Variants in DPP10 observed in about 807,000 individuals in gnomAD.
DPP10 encodes inactive dipeptidyl peptidase 10.
Under a neutral mutation model 120.9 loss-of-function variants are expected in DPP10, and 33 were observed. That is an observed-to-expected ratio of 0.27 (90% CI 0.21 to 0.37). DPP10 has a LOEUF of 0.37. Among genes scored for constraint, DPP10 ranks in the 10% least tolerant of loss-of-function variants. The pLI, the probability that DPP10 is intolerant of heterozygous loss-of-function variation, is 1.00. For missense variants in DPP10, 816 were observed against 942.8 expected, an observed-to-expected ratio of 0.87 and a Z score of 1.76; for synonymous variants, 337 against 326.1, an observed-to-expected ratio of 1.03 and a Z score of -0.36.
At chr2:114,541,710 T>C (rs1686968382) in intron 1 of DPP10, among the ~76,000 whole-genome samples, 1 of 152,148 alleles carries the variant, frequency 6.6e-6, no homozygotes, top group Non-Finnish European at 1.5e-5. Context: ...TGACAGAAAG[T>C]TTAAATTTTT....
At chr2:114,450,983 C>A (rs912493085) in intron 1 of DPP10, among the ~76,000 whole-genome samples, 1 of 152,092 alleles carries the variant, frequency 6.6e-6, no homozygotes, top group African/African-American at 2.4e-5. Context: ...CCACTTCTCC[C>A]AACTCTGGTT....
In DPP10 at chr2:115,768,171, A is replaced by G. The variant is rs138488401; in HGVS notation, c.1114-126A>G. 1.1e-4 allele frequency: 84 copies of G among 738,592 alleles called. 1 individual carries two copies. In the African/African-American group the frequency reaches 1.3e-3, roughly 11 times the overall value. The allele number at this position is 738,592 out of a possible 1,614,324, so 45.8% of individuals were successfully genotyped here. A position where few individuals can be genotyped will look rare whatever the true frequency, so the allele number is the denominator to read the frequency against. On this transcript the variant is annotated intron_variant, in intron 12 of 25. Transcript: ENST00000410059. ...AGCATACATTCATTTTTTTAAAATA[A>G]TGTGCCCATTTTCCTAACTAATTAT...
chr2:115,749,912 T>C (rs961207588), intron 10 of DPP10: 1 of 862,968 alleles, frequency 1.2e-6, no homozygotes, highest in Admixed American at 6.2e-5. Context: ...TTAGATCTTC[T>C]GTGCCAGACC....
chr2:114,568,808 T>C (rs187809980), intron 1 of DPP10, among the ~76,000 whole-genome samples: 83 of 152,372 alleles, frequency 5.4e-4, no homozygotes, highest in African/African-American at 1.8e-3. Context: ...TTCATTTGCC[T>C]TCTGCATTCT....
At chr2:115,634,955 G>A (rs1485898604) in intron 5 of DPP10, among the ~76,000 whole-genome samples, 1 of 152,114 alleles carries the variant, frequency 6.6e-6, no homozygotes, top group East Asian at 1.9e-4. Context: ...TAGGGAAATG[G>A]TGTGGGTAAG....
chr2:114,939,242 T>TGAG (rs1375961473), intron 1 of DPP10, among the ~76,000 whole-genome samples: 3 of 152,030 alleles, frequency 2.0e-5, no homozygotes, highest in East Asian at 3.9e-4. Flanking sequence ...ATGAGTGGGC[T>TGAG]GAGGAGGAGG....
At chr2:115,379,136 C>T (rs2066068228) in intron 3 of DPP10, among the ~76,000 whole-genome samples, 3 of 152,268 alleles carry the variant, frequency 2.0e-5, no homozygotes, top group African/African-American at 4.8e-5. Flanking sequence ...GGTACCAGTT[C>T]CTCCTTGTAC....
intron 1 of DPP10, among the ~76,000 whole-genome samples, chr2:114,534,095 T>C (rs898211631): frequency 6.6e-6 from 1 of 152,238 alleles, no homozygotes; most frequent in Non-Finnish European, 1.5e-5. Context: ...TCAATTGATA[T>C]TTTCATTTTA....
chr2:114,483,951 C>A (rs1681282071), intron 1 of DPP10, among the ~76,000 whole-genome samples: 1 of 152,146 alleles, frequency 6.6e-6, no homozygotes, highest in Non-Finnish European at 1.5e-5. Context: ...CCTTTGAACA[C>A]TGGGGACAAC....
At chr2:114,885,614 G>A (rs115077855) in intron 1 of DPP10, among the ~76,000 whole-genome samples, 1,817 of 152,192 alleles carry the variant, frequency 0.012, 37 homozygotes, top group African/African-American at 0.041. Context: ...TTGAACTTAA[G>A]TTTGCTGTCA....
chr2:115,282,163 A>T (rs918248587), intron 1 of DPP10, among the ~76,000 whole-genome samples: 3 of 152,078 alleles, frequency 2.0e-5, no homozygotes, highest in Non-Finnish European at 2.9e-5. Context: ...TATCCCAACA[A>T]CTTGTAACTT....
chr2:115,347,240 T>A (rs1391252528), intron 3 of DPP10, among the ~76,000 whole-genome samples: 2 of 152,106 alleles, frequency 1.3e-5, no homozygotes, highest in Non-Finnish European at 2.9e-5. Flanking sequence ...TATACTCTAA[T>A]GATAATAAAA....
intron 1 of DPP10, among the ~76,000 whole-genome samples, chr2:114,995,147 G>T (rs1700997603): frequency 6.6e-6 from 1 of 152,180 alleles, no homozygotes; most frequent in Admixed American, 6.5e-5. Flanking sequence ...GCCCAGAGGA[G>T]CCTGCTGGAG....
intron 1 of DPP10, among the ~76,000 whole-genome samples, chr2:114,906,829 G>T (rs1398370146): frequency 6.6e-6 from 1 of 152,038 alleles, no homozygotes; most frequent in East Asian, 1.9e-4. Context: ...TGGTGCTTTT[G>T]TGTTGTTTGG....
At chr2:115,047,754 C>T (rs1032268257) in intron 1 of DPP10, among the ~76,000 whole-genome samples, 6 of 152,170 alleles carry the variant, frequency 3.9e-5, no homozygotes, top group Admixed American at 2.6e-4. Context: ...CAAAGTGATA[C>T]ATAACACAGA....
At chr2:115,523,023 C>T (rs978326095) in intron 4 of DPP10, among the ~76,000 whole-genome samples, 15 of 152,034 alleles carry the variant, frequency 9.9e-5, no homozygotes, top group Middle Eastern at 3.2e-3. Context: ...CATCTTCTGG[C>T]GTGTTGACTA....
At chr2:115,544,961 T>C (rs2079409855) in intron 5 of DPP10, among the ~76,000 whole-genome samples, 1 of 152,058 alleles carries the variant, frequency 6.6e-6, no homozygotes, top group African/African-American at 2.4e-5. Flanking sequence ...TTTTCTTTCT[T>C]CTGGGTTAAA....
chr2:115,547,018 G>C (rs2079542126), intron 5 of DPP10, among the ~76,000 whole-genome samples: 1 of 152,232 alleles, frequency 6.6e-6, no homozygotes, highest in Middle Eastern at 3.4e-3. Context: ...TATGAGCCTG[G>C]CCTTTGAAAA....
At chr2:115,157,148 G>A (rs969097200) in intron 1 of DPP10, among the ~76,000 whole-genome samples, 6 of 150,700 alleles carry the variant, frequency 4.0e-5, no homozygotes, top group African/African-American at 9.8e-5. Context: ...AAGCATACAC[G>A]GTAAAATAAT....
Sources: allele counts gnomAD v4.1 joint callset (sites outside exome capture counted in the v4.1 genomes callset), GRCh38; gene constraint gnomAD v4.1.1; transcripts MANE v1.5; gene names NCBI Gene and HGNC (gene_info 2026-07-23, HGNC 2026-07-21).